Variants in TRMT11 observed in about 807,000 individuals in gnomAD.
The protein encoded by TRMT11 is tRNA (guanine(10)-N(2))-methyltransferase TRMT11.
Under a neutral mutation model 62.8 loss-of-function variants are expected in TRMT11, and 53 were observed. That is an observed-to-expected ratio of 0.84 (90% CI 0.68 to 1.06). The LOEUF is 1.06. TRMT11 is among the 50% of genes least tolerant of loss of function. The pLI is 0.00. For synonymous variants in TRMT11, 188 were observed against 190.3 expected, an observed-to-expected ratio of 0.99 and a Z score of 0.10; for missense variants, 556 against 553.4, an observed-to-expected ratio of 1.00 and a Z score of -0.05.
At chr6:126,193,729 G>A (rs1294830329) in intron 1 of TRMT11, among the ~76,000 whole-genome samples, 5 of 151,636 alleles carry the variant, frequency 3.3e-5, no homozygotes, top group South Asian at 2.1e-4. Context: ...TCCTGACCTC[G>A]TGATCCGCCC....
chr6:126,115,681 T>G (rs909043828), intron 20 of TRMT11, among the ~76,000 whole-genome samples: 2 of 152,160 alleles, frequency 1.3e-5, no homozygotes, highest in Non-Finnish European at 2.9e-5. Context: ...AGCTATTGTC[T>G]CTATTTCAAA....
chr6:126,154,396 C>A (rs1317930994), intron 21 of TRMT11, among the ~76,000 whole-genome samples: 1 of 151,574 alleles, frequency 6.6e-6, no homozygotes. Flanking sequence ...GATGAAGTGA[C>A]TTTCTGACGG....
chr6:126,115,917 C>A (rs1321822293), intron 21 of TRMT11, among the ~76,000 whole-genome samples: 6 of 151,924 alleles, frequency 3.9e-5, no homozygotes, highest in African/African-American at 7.3e-5. Flanking sequence ...CTGAGAGATA[C>A]CAGCAGCAAT....
intron 17 of TRMT11, among the ~76,000 whole-genome samples, chr6:126,073,238 C>T (rs1439443818): frequency 1.3e-5 from 2 of 152,118 alleles, no homozygotes; most frequent in East Asian, 1.9e-4. Context: ...AAGTTGAGTA[C>T]CACTACAGAT....
chr6:126,012,694 A>T, intron 9 of TRMT11, 77 bp from the exon 10 acceptor site: 1 of 1,020,452 alleles, frequency 9.8e-7, no homozygotes, highest in Non-Finnish European at 1.5e-6. Flanking sequence ...TCACATTTGA[A>T]GGCAGCATGG....
the TRMT11 span, among the ~76,000 whole-genome samples, chr6:126,265,836 T>C: frequency 6.6e-6 from 1 of 152,160 alleles, no homozygotes; most frequent in African/African-American, 2.4e-5. Context: ...GACATTATAT[T>C]TATCATTCTT....
At chr6:126,094,551 T>G (rs1484505580) in intron 17 of TRMT11, among the ~76,000 whole-genome samples, 3 of 152,192 alleles carry the variant, frequency 2.0e-5, no homozygotes, top group Non-Finnish European at 1.5e-5. Context: ...TGCCCAAACC[T>G]TAGGCCACAA....
downstream of TRMT11, among the ~76,000 whole-genome samples, chr6:126,040,036 A>G (rs1296945916): frequency 6.6e-6 from 1 of 152,050 alleles, no homozygotes; most frequent in African/African-American, 2.4e-5. Flanking sequence ...ACTGGGGGGA[A>G]ATCTAAAAGT....
chr6:126,158,889 A>T (rs1583893310), intron 21 of TRMT11, among the ~76,000 whole-genome samples: 1 of 152,190 alleles, frequency 6.6e-6, no homozygotes, highest in Non-Finnish European at 1.5e-5. Flanking sequence ...CTCAGCTACC[A>T]CGTGGCATCT....
At chr6:126,246,833 A>G in the TRMT11 span, among the ~76,000 whole-genome samples, 1 of 152,214 alleles carries the variant, frequency 6.6e-6, no homozygotes, top group Non-Finnish European at 1.5e-5. Flanking sequence ...TAATAAATTT[A>G]TAGTAGTTCT....
intron 20 of TRMT11, among the ~76,000 whole-genome samples, chr6:126,115,496 A>G (rs1777576809): frequency 6.6e-6 from 1 of 152,084 alleles, no homozygotes; most frequent in African/African-American, 2.4e-5. Flanking sequence ...AAGTTTAGGT[A>G]ATTTCCTTAG....
rs59103356 is a variant in TRMT11 at position 126,111,366 on chromosome 6, G to T, written c.*1438-1500G>T. ...ATGAAGAGATAGTTTCTCAGAGTAA[G>T]TTTTTTCCCTCCTTTGCCAGGTGCC... is the stretch of plus-strand genomic sequence containing the variant. On this transcript the variant is annotated intron_variant and NMD_transcript_variant, in intron 17 of 22. Transcript: ENST00000648977. 8.1e-3 allele frequency among the ~76,000 whole-genome samples: 1,228 copies of T among 152,176 alleles called. 19 individuals carry two copies. The highest frequency in any genetic ancestry group is 0.028 in the African/African-American group (1,172 of 41,538).
intron 11 of TRMT11, among the ~76,000 whole-genome samples, chr6:126,016,734 T>C: frequency 6.6e-6 from 1 of 150,458 alleles, no homozygotes. Context: ...GTTTTATCAA[T>C]GGATAGATTT....
At chr6:125,998,491 A>C in intron 5 of TRMT11, 59 bp from the exon 6 acceptor site, 1 of 1,525,830 alleles carries the variant, frequency 6.6e-7, no homozygotes, top group African/African-American at 1.4e-5. Flanking sequence ...TTATTAGATA[A>C]GCGCCATTTT....
At chr6:126,252,752 T>C in the TRMT11 span, among the ~76,000 whole-genome samples, 1 of 152,234 alleles carries the variant, frequency 6.6e-6, no homozygotes, top group East Asian at 1.9e-4. Context: ...GATGCATAAA[T>C]GACTCAAGAA....
chr6:126,122,172 C>T (rs535164434), intron 21 of TRMT11, among the ~76,000 whole-genome samples: 14 of 152,104 alleles, frequency 9.2e-5, no homozygotes, highest in Non-Finnish European at 1.8e-4. Flanking sequence ...ATTGTGAGGC[C>T]TCCCTAGCCA....
intron 1 of TRMT11, among the ~76,000 whole-genome samples, chr6:126,197,419 C>A (rs1164816785): frequency 6.6e-6 from 1 of 152,184 alleles, no homozygotes; most frequent in Non-Finnish European, 1.5e-5. Context: ...CTGATAATCT[C>A]TTTCCTAACA....
At chr6:126,069,496 T>G (rs914269803) in intron 17 of TRMT11, among the ~76,000 whole-genome samples, 11 of 152,378 alleles carry the variant, frequency 7.2e-5, no homozygotes, top group African/African-American at 2.4e-4. Flanking sequence ...TATTTTTTAA[T>G]GAAGTCAACT....
At chr6:126,205,515 A>G (rs1175335188), downstream of TRMT11, among the ~76,000 whole-genome samples, 2 of 152,240 alleles carry the variant, frequency 1.3e-5, no homozygotes, top group African/African-American at 2.4e-5. Flanking sequence ...AAAATAAAAA[A>G]GAGAAAAAGA....
Sources: allele counts gnomAD v4.1 joint callset (sites outside exome capture counted in the v4.1 genomes callset), GRCh38; gene constraint gnomAD v4.1.1; transcripts MANE v1.5; gene names NCBI Gene and HGNC (gene_info 2026-07-23, HGNC 2026-07-21).